The following AUTS2 variants were observed in gnomAD, a reference collection of about 807,000 sequenced individuals.
AUTS2 encodes the protein activator of transcription and developmental regulator AUTS2.
Under a neutral mutation model 112.4 loss-of-function variants are expected in AUTS2, and 17 were observed. The ratio of observed to expected loss-of-function variants is 0.15; its 90% CI spans 0.10 to 0.23. AUTS2 has a LOEUF of 0.23. Ranked by LOEUF, AUTS2 falls within the 10% of genes least tolerant of loss-of-function variation. AUTS2 has a pLI of 1.00. For synonymous variants in AUTS2, 751 were observed against 702.7 expected (o/e 1.07, Z -1.09); for missense variants, 1,510 against 1,701.6 (o/e 0.89, Z 1.98).
chr7:70,371,980 T>G (rs1317629388), intron 4 of AUTS2, among the ~76,000 whole-genome samples: 1 of 152,168 alleles, frequency 6.6e-6, no homozygotes, highest in Non-Finnish European at 1.5e-5. Context: ...CATTTTTGTC[T>G]TCTGTTAAAA....
intron 1 of AUTS2, among the ~76,000 whole-genome samples, chr7:69,787,801 C>G (rs1584247189): frequency 6.6e-6 from 1 of 152,270 alleles, no homozygotes; most frequent in South Asian, 2.1e-4. Context: ...TCTCGAACTC[C>G]TGACTTCAGG....
intron 4 of AUTS2, among the ~76,000 whole-genome samples, chr7:70,423,939 G>T (rs1795325874): frequency 6.6e-6 from 1 of 152,088 alleles, no homozygotes; most frequent in Non-Finnish European, 1.5e-5. Context: ...TAATTAGTAA[G>T]TTACCCTGTT....
At chr7:69,771,815 G>A (rs1248741324) in intron 1 of AUTS2, among the ~76,000 whole-genome samples, 3 of 149,030 alleles carry the variant, frequency 2.0e-5, no homozygotes, top group African/African-American at 7.4e-5. Context: ...TAGAGTTTTT[G>A]GTCTTGTTGC....
At chr7:69,603,709 G>A (rs1378026169) in intron 1 of AUTS2, among the ~76,000 whole-genome samples, 2 of 152,286 alleles carry the variant, frequency 1.3e-5, no homozygotes, top group South Asian at 2.1e-4. Context: ...CAGAATTAAC[G>A]TTGGTATATA....
chr7:70,706,034 C>T (rs895990254), intron 6 of AUTS2, among the ~76,000 whole-genome samples: 1 of 152,176 alleles, frequency 6.6e-6, no homozygotes, highest in African/African-American at 2.4e-5. Context: ...TAAAGCATTT[C>T]CTCGTATACA....
At chr7:70,519,277 TG>T (rs1337079911) in intron 5 of AUTS2, among the ~76,000 whole-genome samples, 1 of 152,206 alleles carries the variant, frequency 6.6e-6, no homozygotes, top group African/African-American at 2.4e-5. Context: ...GTTTCAGGTT[TG>T]TTGGGCCCAA....
chr7:70,690,105 T>C (rs1808681706), intron 5 of AUTS2, among the ~76,000 whole-genome samples: 1 of 152,188 alleles, frequency 6.6e-6, no homozygotes, highest in Non-Finnish European at 1.5e-5. Context: ...TCTCACTTTC[T>C]AGATAAGGAA....
intron 4 of AUTS2, among the ~76,000 whole-genome samples, chr7:70,412,770 ATCATGGGG>A (rs1794829560): frequency 6.6e-6 from 1 of 152,162 alleles, no homozygotes. Flanking sequence ...AGGTGGGTGG[ATCATGGGG>A]TCAGGAGTTC....
chr7:70,462,524 T>C (rs544761748), intron 5 of AUTS2, among the ~76,000 whole-genome samples: 2 of 152,234 alleles, frequency 1.3e-5, no homozygotes, highest in South Asian at 4.1e-4. Flanking sequence ...AAGTAAATAA[T>C]TTCTAAGGGC....
intron 2 of AUTS2, among the ~76,000 whole-genome samples, chr7:70,062,167 CTTA>C (rs1422228798): frequency 6.6e-6 from 1 of 151,830 alleles, no homozygotes; most frequent in Non-Finnish European, 1.5e-5. Context: ...TTGAAATATT[CTTA>C]TTGTTGTTTT....
chr7:69,943,786 A>G (rs1201956232), intron 2 of AUTS2, among the ~76,000 whole-genome samples: 1 of 152,212 alleles, frequency 6.6e-6, no homozygotes, highest in East Asian at 1.9e-4. Flanking sequence ...AAAGGGACAT[A>G]GAAGAATTTG....
chr7:69,804,351 G>T (rs1790210922), intron 1 of AUTS2, among the ~76,000 whole-genome samples: 1 of 152,198 alleles, frequency 6.6e-6, no homozygotes, highest in Non-Finnish European at 1.5e-5. Flanking sequence ...AGAGCTTTCA[G>T]TCCTCACTGT....
At chr7:70,167,067 A>G (rs1260673262) in intron 4 of AUTS2, among the ~76,000 whole-genome samples, 1 of 152,166 alleles carries the variant, frequency 6.6e-6, no homozygotes, top group Admixed American at 6.5e-5. Flanking sequence ...CTCTGCTGAA[A>G]GTATAAAAAT....
chr7:69,893,323 ATATC>A (rs2129539488), intron 1 of AUTS2, among the ~76,000 whole-genome samples: 2 of 152,306 alleles, frequency 1.3e-5, no homozygotes, highest in African/African-American at 4.8e-5. Context: ...TGTTGTGAAC[ATATC>A]TATCTAGTTA....
chr7:70,774,147 G>A, intron 12 of AUTS2, 48 bp downstream of exon 12: 1 of 1,572,066 alleles, frequency 6.4e-7, no homozygotes, highest in South Asian at 1.1e-5. Flanking sequence ...GGGTGTGTGT[G>A]TTTGCACGGG....
At chr7:69,666,676 A>G (rs777384689) in intron 1 of AUTS2, among the ~76,000 whole-genome samples, 4 of 152,156 alleles carry the variant, frequency 2.6e-5, no homozygotes, top group Non-Finnish European at 4.4e-5. Flanking sequence ...TGAAGGCAGG[A>G]GGATTGCTTG....
At chr7:70,291,330 G>T (rs901996917) in intron 4 of AUTS2, 3 of 152,058 alleles carry the variant, frequency 2.0e-5, no homozygotes, top group Non-Finnish European at 4.4e-5. Flanking sequence ...GGCATTTGAA[G>T]CAATTTAATA....
At chr7:69,811,677 A>G (rs1790550208) in intron 1 of AUTS2, among the ~76,000 whole-genome samples, 1 of 152,128 alleles carries the variant, frequency 6.6e-6, no homozygotes, top group Non-Finnish European at 1.5e-5. Flanking sequence ...ATGGGACTTG[A>G]AAATCCTGTT....
At chr7:70,644,443 C>T (rs372556446) in intron 5 of AUTS2, among the ~76,000 whole-genome samples, 5 of 152,126 alleles carry the variant, frequency 3.3e-5, no homozygotes, top group South Asian at 2.1e-4. Flanking sequence ...TCACTTCCCT[C>T]GCGGGGTCAA....
Sources: allele counts gnomAD v4.1 joint callset (sites outside exome capture counted in the v4.1 genomes callset), GRCh38; gene constraint gnomAD v4.1.1; transcripts MANE v1.5; gene names NCBI Gene and HGNC (gene_info 2026-07-23, HGNC 2026-07-21).